ERC2: variants seen among roughly 807,000 people sequenced by gnomAD.
The protein encoded by ERC2 is ELKS/RAB6-interacting/CAST family member 2.
A neutral mutation model predicts 114.8 loss-of-function variants in ERC2; 42 were observed. The observed-to-expected ratio is 0.37, with a 90% CI of 0.29 to 0.47. The LOEUF (loss-of-function observed/expected upper bound fraction) is 0.47, where lower values mean the gene tolerates loss of function less well. Among genes scored for constraint, ERC2 ranks in the 20% least tolerant of loss-of-function variants. The pLI is 0.99. For missense variants in ERC2, 939 were observed against 1,150.7 expected, an observed-to-expected ratio of 0.82 and a Z score of 2.66; for synonymous variants, 454 against 425.5, an observed-to-expected ratio of 1.07 and a Z score of -0.82.
At chr3:55,954,379 T>G (rs2067801146) in intron 12 of ERC2, among the ~76,000 whole-genome samples, 1 of 152,160 alleles carries the variant, frequency 6.6e-6, no homozygotes, top group African/African-American at 2.4e-5. Context: ...ACTACCATAT[T>G]AAGAAAGCAT....
intron 17 of ERC2, among the ~76,000 whole-genome samples, chr3:55,624,045 G>C (rs1308027270): frequency 6.6e-6 from 1 of 152,134 alleles, no homozygotes; most frequent in African/African-American, 2.4e-5. Flanking sequence ...AAGAAAATTG[G>C]GTTAGGACTC....
chr3:56,046,286 C>T (rs1030679288), intron 7 of ERC2, among the ~76,000 whole-genome samples: 3 of 152,166 alleles, frequency 2.0e-5, no homozygotes, highest in Admixed American at 2.0e-4. Flanking sequence ...TCTGAGAATT[C>T]AGAAAGCATT....
chr3:55,516,607 G>A (rs909484720), intron 17 of ERC2, among the ~76,000 whole-genome samples: 6 of 152,176 alleles, frequency 3.9e-5, no homozygotes, highest in Admixed American at 2.6e-4. Context: ...AGGGATGACG[G>A]AGTTTGCTGG....
At chr3:55,682,574 C>T (rs1328566617) in intron 17 of ERC2, among the ~76,000 whole-genome samples, 5 of 152,136 alleles carry the variant, frequency 3.3e-5, no homozygotes, top group Non-Finnish European at 4.4e-5. Flanking sequence ...ACAGGCCAAA[C>T]GTACCAGCTC....
chr3:56,072,521 AC>A (rs1374608636), intron 7 of ERC2: 3 of 152,196 alleles, frequency 2.0e-5, no homozygotes, highest in African/African-American at 7.2e-5. Context: ...CAAATCACAA[AC>A]ACTAACCTGG....
intron 2 of ERC2, among the ~76,000 whole-genome samples, chr3:56,332,035 G>A (rs2057642329): frequency 1.3e-5 from 2 of 152,142 alleles, no homozygotes; most frequent in African/African-American, 4.8e-5. Flanking sequence ...TCAGGGTTCA[G>A]GGAGCAGAGC....
chr3:55,702,967 C>A (rs1358372224), intron 15 of ERC2, among the ~76,000 whole-genome samples: 1 of 152,222 alleles, frequency 6.6e-6, no homozygotes, highest in Admixed American at 6.5e-5. Context: ...TACCAAACTG[C>A]TGACCAGACA....
At chr3:55,879,470 T>C (rs1230196277) in intron 14 of ERC2, among the ~76,000 whole-genome samples, 1 of 152,162 alleles carries the variant, frequency 6.6e-6, no homozygotes, top group African/African-American at 2.4e-5. Flanking sequence ...TGGACTTCTC[T>C]GGACCTAATA....
chr3:56,201,707 T>A (rs1053289772), intron 3 of ERC2, among the ~76,000 whole-genome samples: 1 of 152,222 alleles, frequency 6.6e-6, no homozygotes. Context: ...GTTAGGCAAG[T>A]TCTTTTTAAA....
intron 2 of ERC2, among the ~76,000 whole-genome samples, chr3:56,423,894 A>T (rs2107258656): frequency 6.6e-6 from 1 of 152,310 alleles, no homozygotes; most frequent in African/African-American, 2.4e-5. Flanking sequence ...AGGCCAAACC[A>T]CTTATTGAGT....
intron 17 of ERC2, among the ~76,000 whole-genome samples, chr3:55,676,652 C>T (rs1249101605): frequency 6.6e-6 from 1 of 152,010 alleles, no homozygotes; most frequent in Non-Finnish European, 1.5e-5. Flanking sequence ...GTTTCCAACA[C>T]CTTCCAAATT....
At chr3:55,680,765 G>A (rs965034132) in intron 17 of ERC2, among the ~76,000 whole-genome samples, 9 of 152,122 alleles carry the variant, frequency 5.9e-5, no homozygotes, top group Admixed American at 5.2e-4. Flanking sequence ...CAATGAGGCT[G>A]GCCACAGGTA....
At chr3:56,405,327 C>A (rs2060673835) in intron 2 of ERC2, among the ~76,000 whole-genome samples, 1 of 151,726 alleles carries the variant, frequency 6.6e-6, no homozygotes, top group African/African-American at 2.4e-5. Flanking sequence ...GCCTATAATC[C>A]CAGCTACTCG....
intron 3 of ERC2, among the ~76,000 whole-genome samples, chr3:56,272,248 C>A (rs2053701457): frequency 1.3e-5 from 2 of 152,164 alleles, no homozygotes; most frequent in South Asian, 4.1e-4. Flanking sequence ...AAAACAACCC[C>A]AAAAGTATAT....
chr3:56,377,527 A>C (rs1030349024), intron 2 of ERC2, among the ~76,000 whole-genome samples: 2 of 152,260 alleles, frequency 1.3e-5, no homozygotes, highest in Non-Finnish European at 2.9e-5. Context: ...TGAGTTCTTA[A>C]GCACCATGTA....
At chr3:56,030,078 C>T (rs2074287117) in intron 7 of ERC2, among the ~76,000 whole-genome samples, 1 of 152,108 alleles carries the variant, frequency 6.6e-6, no homozygotes, top group Non-Finnish European at 1.5e-5. Flanking sequence ...CTATGGGTTA[C>T]TTAGCAGTGT....
At chr3:55,562,829 TA>T (rs1184513449) in intron 17 of ERC2, among the ~76,000 whole-genome samples, 16 of 151,104 alleles carry the variant, frequency 1.1e-4, no homozygotes, top group Admixed American at 9.9e-4. Context: ...TGTTGTTGTT[TA>T]AAAAAAAAGA....
intron 1 of ERC2, among the ~76,000 whole-genome samples, chr3:56,445,358 G>T (rs1353892370): frequency 2.0e-5 from 3 of 152,110 alleles, no homozygotes; most frequent in African/African-American, 7.2e-5. Context: ...CCCACTTCAA[G>T]TTCTTTACCA....
At chr3:55,628,855 C>G (rs998509160) in intron 17 of ERC2, among the ~76,000 whole-genome samples, 3 of 152,204 alleles carry the variant, frequency 2.0e-5, no homozygotes, top group African/African-American at 7.2e-5. Flanking sequence ...TTTGAATTCT[C>G]AAGTACCTGA....
Sources: allele counts gnomAD v4.1 joint callset (sites outside exome capture counted in the v4.1 genomes callset), GRCh38; gene constraint gnomAD v4.1.1; transcripts MANE v1.5; gene names NCBI Gene and HGNC (gene_info 2026-07-23, HGNC 2026-07-21).